FIRRM: variants seen among roughly 807,000 people sequenced by gnomAD.
FIRRM encodes FIGNL1-interacting regulator of recombination and mitosis.
At chr1:169,842,267 G>GGCTTTGTTAAATA in the FIRRM span, 1 of 610,736 alleles carries the variant, frequency 1.6e-6, no homozygotes, top group Non-Finnish European at 2.6e-6. Context: ...TTAAATAGCT[G>GGCTTTGTTAAATA]AAAAGATGGC....
chr1:169,796,277 GC>G, the FIRRM span, among the ~76,000 whole-genome samples: 137 of 152,332 alleles, frequency 9.0e-4, 1 homozygote, highest in Non-Finnish European at 1.3e-4. Flanking sequence ...CACTTAAACT[GC>G]GTGCATAATG....
At chr1:169,793,918 AAAAG>A in the FIRRM span, 10 of 396,806 alleles carry the variant, frequency 2.5e-5, no homozygotes, top group Middle Eastern at 2.0e-3. Flanking sequence ...AAAAAAAAAA[AAAAG>A]AAAGAAAATG....
chr1:169,806,725 A>G, the FIRRM span, among the ~76,000 whole-genome samples: 7 of 152,222 alleles, frequency 4.6e-5, no homozygotes, highest in Non-Finnish European at 8.8e-5. Flanking sequence ...TTCAGTGGTT[A>G]AGAGTGTTGC....
chr1:169,849,747 T>C, the FIRRM span: 1 of 628,620 alleles, frequency 1.6e-6, no homozygotes, highest in South Asian at 2.0e-5. Context: ...TCGTTATCTC[T>C]TTTACAGCTT....
At chr1:169,819,886 C>T in the FIRRM span, among the ~76,000 whole-genome samples, 12 of 152,250 alleles carry the variant, frequency 7.9e-5, no homozygotes, top group African/African-American at 2.2e-4. Flanking sequence ...AGATTGAACC[C>T]GGGCCGCCAG....
chr1:169,849,569 C>T, the FIRRM span: 1 of 1,613,992 alleles, frequency 6.2e-7, no homozygotes. Flanking sequence ...GCTGCTAGAA[C>T]AACATACCTT....
the FIRRM span, chr1:169,827,768 A>G: frequency 6.2e-7 from 1 of 1,614,168 alleles, no homozygotes; most frequent in Non-Finnish European, 8.5e-7. Context: ...GTCATGGATA[A>G]GCTGCCATCT....
chr1:169,805,298 A>T, the FIRRM span, among the ~76,000 whole-genome samples: 1 of 152,214 alleles, frequency 6.6e-6, no homozygotes, highest in Non-Finnish European at 1.5e-5. Context: ...GACTTCAGTG[A>T]CTTCATTCAC....
At chr1:169,819,135 C>T in the FIRRM span, among the ~76,000 whole-genome samples, 9 of 152,282 alleles carry the variant, frequency 5.9e-5, no homozygotes, top group South Asian at 2.1e-4. Flanking sequence ...CATTTGTATA[C>T]TGGATCCTGG....
At chr1:169,847,169 A>C in the FIRRM span, among the ~76,000 whole-genome samples, 1 of 152,090 alleles carries the variant, frequency 6.6e-6, no homozygotes, top group Admixed American at 6.6e-5. Flanking sequence ...AAAGATCACA[A>C]ATCAGCGTAA....
chr1:169,807,679 A>C, the FIRRM span: 3 of 936,502 alleles, frequency 3.2e-6, no homozygotes, highest in Non-Finnish European at 4.5e-6. Context: ...GTGATATATG[A>C]TGCTTTTTGA....
the FIRRM span, chr1:169,806,239 T>C: frequency 3.4e-6 from 2 of 585,752 alleles, no homozygotes; most frequent in South Asian, 2.2e-5. Context: ...ATATTCTACA[T>C]GTAGCTCTCA....
the FIRRM span, among the ~76,000 whole-genome samples, chr1:169,814,343 G>A: frequency 6.6e-6 from 1 of 152,194 alleles, no homozygotes; most frequent in African/African-American, 2.4e-5. Flanking sequence ...AAAATTAACT[G>A]TGGTACATAT....
At chr1:169,847,922 A>C in the FIRRM span, 1 of 615,810 alleles carries the variant, frequency 1.6e-6, no homozygotes, top group South Asian at 2.2e-5. Flanking sequence ...TTGGAAAAAA[A>C]AAACTATGTT....
the FIRRM span, chr1:169,795,202 C>T: frequency 1.3e-6 from 2 of 1,535,980 alleles, no homozygotes; most frequent in Admixed American, 2.0e-5. Flanking sequence ...GTCCGTCCTG[C>T]CCCGACTCCT....
At chr1:169,808,336 CATGTAT>C in the FIRRM span, among the ~76,000 whole-genome samples, 1 of 152,090 alleles carries the variant, frequency 6.6e-6, no homozygotes, top group East Asian at 1.9e-4. Context: ...TATGTTTGTG[CATGTAT>C]ATGTATGTAT....
chr1:169,850,980 C>CTTTTTTTTTTTTTTTTTTTTTT, the FIRRM span: 1 of 31,570 alleles, frequency 3.2e-5, no homozygotes, highest in Non-Finnish European at 4.9e-5. Flanking sequence ...TTAGGCATGG[C>CTTTTTTTTTTTTTTTTTTTTTT]TTTTTTTTTT....
At chr1:169,828,888 T>C in the FIRRM span, among the ~76,000 whole-genome samples, 1 of 152,188 alleles carries the variant, frequency 6.6e-6, no homozygotes, top group Admixed American at 6.5e-5. Flanking sequence ...ATCCTCTAAG[T>C]TTCTTCAACC....
At chr1:169,824,230 C>T in the FIRRM span, among the ~76,000 whole-genome samples, 1 of 152,152 alleles carries the variant, frequency 6.6e-6, no homozygotes, top group Non-Finnish European at 1.5e-5. Context: ...TGTATCTAGA[C>T]CCATATATTC....
Sources: allele counts gnomAD v4.1 joint callset (sites outside exome capture counted in the v4.1 genomes callset), GRCh38; gene constraint gnomAD v4.1.1; transcripts MANE v1.5; gene names NCBI Gene and HGNC (gene_info 2026-07-23, HGNC 2026-07-21).